The following NGLY1 variants were observed in gnomAD, a reference collection of about 807,000 sequenced individuals.
NGLY1 encodes the protein peptide-N(4)-(N-acetyl-beta-glucosaminyl)asparagine amidase.
A neutral mutation model predicts 84.6 loss-of-function variants in NGLY1; 68 were observed. That is an observed-to-expected ratio of 0.80 (90% CI 0.66 to 0.98). The LOEUF (loss-of-function observed/expected upper bound fraction) is 0.98. Ranked by LOEUF, NGLY1 falls within the 50% of genes least tolerant of loss-of-function variation. The pLI is 0.00. For missense variants in NGLY1, 779 were observed against 770.2 expected (o/e 1.01, Z -0.14); for synonymous variants, 280 against 275.2 (o/e 1.02, Z -0.17).
intron 2 of NGLY1, among the ~76,000 whole-genome samples, chr3:25,765,319 G>A (rs1024384097): frequency 1.3e-5 from 2 of 152,122 alleles, no homozygotes; most frequent in African/African-American, 4.8e-5. Flanking sequence ...AATAAGCTGG[G>A]CATGGTGGCG....
chr3:25,786,122 T>TG (rs1708596532), upstream of NGLY1, among the ~76,000 whole-genome samples: 1 of 152,114 alleles, frequency 6.6e-6, no homozygotes, highest in Non-Finnish European at 1.5e-5. Flanking sequence ...AAACCAATCG[T>TG]GGGGAAAATT....
chr3:25,779,823 A>C (rs1004769668), intron 1 of NGLY1, among the ~76,000 whole-genome samples: 4 of 152,244 alleles, frequency 2.6e-5, no homozygotes, highest in Non-Finnish European at 4.4e-5. Context: ...ACTTTTCCCT[A>C]ATTTCAAAAA....
chr3:25,764,842 G>T (rs1355103795), intron 2 of NGLY1, among the ~76,000 whole-genome samples: 3 of 152,162 alleles, frequency 2.0e-5, no homozygotes, highest in Non-Finnish European at 4.4e-5. Context: ...TGTGTATGGG[G>T]TCAACTAATT....
chr3:25,780,645 CAA>C (rs1225010863), intron 1 of NGLY1, among the ~76,000 whole-genome samples: 1 of 152,088 alleles, frequency 6.6e-6, no homozygotes, highest in Non-Finnish European at 1.5e-5. Context: ...TTTTAAAAAA[CAA>C]AGTGTTGCTC....
In NGLY1 at chr3:25,774,262, C is replaced by T. The variant is rs540278321; in HGVS notation, c.246+4312G>A. Among the ~76,000 whole-genome samples the T allele has an allele frequency of 4.9e-4, 75 of 152,292 alleles. 1 individual carries two copies. The highest frequency in any genetic ancestry group is 9.0e-4 in the Non-Finnish European group (61 of 68,024). On this transcript the variant is annotated intron_variant, in intron 2 of 11. Coordinates refer to ENST00000280700, the MANE Select transcript of NGLY1 (RefSeq NM_018297.4). Reference sequence around the variant, plus strand: ...GTTGGCCCCCAGCCAGAAGGTGATGCTTTCAAGACAGCATCAGCTGCAGTA... The same window carrying T: ...GTTGGCCCCCAGCCAGAAGGTGATGTTTTCAAGACAGCATCAGCTGCAGTA...
intron 2 of NGLY1, among the ~76,000 whole-genome samples, chr3:25,770,941 A>G (rs976789264): frequency 3.9e-5 from 6 of 152,092 alleles, no homozygotes; most frequent in African/African-American, 1.2e-4. Flanking sequence ...TAGATTCTAG[A>G]TATCAGTCCT....
intron 10 of NGLY1, among the ~76,000 whole-genome samples, chr3:25,725,535 A>G (rs946971198): frequency 6.6e-6 from 1 of 152,152 alleles, no homozygotes; most frequent in Non-Finnish European, 1.5e-5. Flanking sequence ...GGAGCTTGTG[A>G]TTGGCATCTG....
chr3:25,778,816 C>A (rs1412446293), intron 1 of NGLY1, 128 bp from the exon 2 acceptor site: 6 of 451,644 alleles, frequency 1.3e-5, no homozygotes, highest in Non-Finnish European at 2.4e-5. Context: ...TTCCCTAAAC[C>A]AATGGTTGTT....
intron 10 of NGLY1, among the ~76,000 whole-genome samples, chr3:25,722,252 T>C (rs957101841): frequency 7.2e-6 from 1 of 139,156 alleles, no homozygotes; most frequent in African/African-American, 2.5e-5. Context: ...TTAGTAAATA[T>C]TATTAAAGAT....
rs1030665810 is a variant in NGLY1 at position 25,733,487 on chromosome 3, G to A, written c.1260+385C>T. Among the ~76,000 whole-genome samples, 288 of 148,520 alleles carry A rather than the reference G, an allele frequency of 1.9e-3. 3 individuals are homozygous for A. The highest frequency in any genetic ancestry group is 7.0e-3 in the Middle Eastern group (2 of 286). Reference sequence around the variant, plus strand: ...TGGACGTGTGTGTGTGTGTGTGTGTGTGTGTGTGTGTGTGTGTGTGTGTGT... The same window carrying A: ...TGGACGTGTGTGTGTGTGTGTGTGTATGTGTGTGTGTGTGTGTGTGTGTGT... On this transcript the variant is annotated intron_variant, in intron 8 of 11. Coordinates refer to ENST00000280700, the MANE Select transcript of NGLY1 (RefSeq NM_018297.4).
chr3:25,756,866 G>C (rs1320839353), intron 3 of NGLY1, among the ~76,000 whole-genome samples: 2 of 152,066 alleles, frequency 1.3e-5, no homozygotes, highest in Admixed American at 1.3e-4. Context: ...ACTCTGCATT[G>C]GTTTCCCAAT....
chr3:25,750,027 T>C lies in NGLY1; in HGVS notation c.658+1071A>G, dbSNP rs571935296. On this transcript the variant is annotated intron_variant, in intron 4 of 11. Transcript: ENST00000280700. ...TTGTTCTTATGCTGCTATGATGAAA[T>C]ACCTGCAACTGGGTAATTTATAAAG... is the stretch of plus-strand genomic sequence containing the variant. 6.4e-5 allele frequency: 32 copies of C among 500,160 alleles called. No individual in the cohort carries two copies. The South Asian group carries it at 6.9e-4, about 11-fold the overall frequency. The allele number at this position is 500,160 out of a possible 1,614,324, so 31.0% of individuals were successfully genotyped here. A position where few individuals can be genotyped will look rare whatever the true frequency, so the allele number is the denominator to read the frequency against.
At chr3:25,754,107 G>A (rs1274073164) in intron 3 of NGLY1, among the ~76,000 whole-genome samples, 1 of 152,148 alleles carries the variant, frequency 6.6e-6, no homozygotes, top group Non-Finnish European at 1.5e-5. Flanking sequence ...CCCTCAAAAA[G>A]CAAGTAGTCT....
intron 8 of NGLY1, among the ~76,000 whole-genome samples, chr3:25,733,467 GTGTGT>G (rs2125468755): frequency 1.5e-4 from 1 of 6,610 alleles, no homozygotes; most frequent in Admixed American, 3.6e-3. Flanking sequence ...TCACATGGAC[GTGTGT>G]GTGTGTGTGT....
intron 3 of NGLY1, among the ~76,000 whole-genome samples, chr3:25,760,168 T>A (rs572521745): frequency 5.3e-5 from 8 of 151,944 alleles, no homozygotes; most frequent in Non-Finnish European, 7.4e-5. Context: ...CTCAATAGTA[T>A]AAATAATATG....
chr3:25,756,287 C>A (rs567544496), intron 3 of NGLY1, among the ~76,000 whole-genome samples: 2 of 152,274 alleles, frequency 1.3e-5, no homozygotes, highest in South Asian at 2.1e-4. Context: ...AAAGGCCATA[C>A]CTGGAATTTA....
intron 2 of NGLY1, among the ~76,000 whole-genome samples, chr3:25,768,383 C>T (rs1575655467): frequency 6.7e-6 from 1 of 148,186 alleles, no homozygotes; most frequent in African/African-American, 2.5e-5. Flanking sequence ...GACTGTGCCA[C>T]TGCACTCTAG....
At chr3:25,779,236 C>T (rs2125323446) in intron 1 of NGLY1, among the ~76,000 whole-genome samples, 1 of 152,204 alleles carries the variant, frequency 6.6e-6, no homozygotes, top group South Asian at 2.1e-4. Context: ...CCGCACCTGG[C>T]CCAAGACATA....
chr3:25,778,622 C>T lies in NGLY1; in HGVS notation c.198G>A (p.Leu66=), dbSNP rs768484670. 7 of 1,612,162 alleles carry T rather than the reference C, an allele frequency of 4.3e-6. No individual in the cohort carries two copies. The highest frequency in any genetic ancestry group is 1.1e-5 in the South Asian group (1 of 90,800). Reference sequence around the variant, plus strand: ...AACATTCAACAGCTCCTCTGACAGGCAAGAGTCTAGTAGAAAAGGCTGTGT... The same window carrying T: ...AACATTCAACAGCTCCTCTGACAGGTAAGAGTCTAGTAGAAAAGGCTGTGT... ...IGNTAFSTRL[L]PVRGAVECLF... The change falls in exon 2 of 12, where the codon TTG becomes TTA. Residue 66 remains leucine, a synonymous_variant. Coordinates refer to ENST00000280700, the MANE Select transcript of NGLY1 (RefSeq NM_018297.4).
Sources: gnomAD v4.1 joint callset for allele counts (sites outside exome capture counted in the v4.1 genomes callset) on GRCh38, gnomAD v4.1.1 for gene constraint, MANE v1.5 for transcripts, NCBI Gene and HGNC (gene_info 2026-07-23, HGNC 2026-07-21) for gene names.